Variants in SH3PXD2A observed in about 807,000 individuals in gnomAD.
The protein encoded by SH3PXD2A is SH3 and PX domains 2A.
SH3PXD2A carries 32 observed loss-of-function variants against 115.2 expected under a neutral mutation model. The ratio of observed to expected loss-of-function variants is 0.28; its 90% CI spans 0.21 to 0.37. SH3PXD2A has a LOEUF of 0.37. Among genes scored for constraint, SH3PXD2A ranks in the 10% least tolerant of loss-of-function variants. The probability of loss-of-function intolerance (pLI) is 1.00; values close to 1 mark genes in which losing one functional copy is unlikely to be tolerated. For missense variants in SH3PXD2A, 1,328 were observed against 1,498.7 expected (o/e 0.89, Z 1.88); for synonymous variants, 610 against 629.1 (o/e 0.97, Z 0.45).
At position 103,613,153 on chromosome 10, in the gene SH3PXD2A, GGTA is replaced by G. The variant is rs776173373; in HGVS notation, c.955_957del (p.Tyr319del). 1 of 1,610,262 alleles carries G rather than the reference GGTA, an allele frequency of 6.2e-7. No homozygotes were observed. Among genetic ancestry groups the G allele is most frequent in the Non-Finnish European group, 8.5e-7 (1 of 1,178,718 alleles). ...GGCAGGTCATCCTTGGCCTTCTTCA[GGTA>G]GGATGCTGGCGCCCAGCCCTCTTTG... On this transcript the variant is annotated inframe_deletion, in exon 12 of 15. Coordinates refer to ENST00000369774, the MANE Select transcript of SH3PXD2A (RefSeq NM_001394015.1).
chr10:103,724,410 C>T (rs1437545454), intron 4 of SH3PXD2A, 49 bp from the exon 5 acceptor site: 3 of 1,137,454 alleles, frequency 2.6e-6, no homozygotes, highest in African/African-American at 1.6e-5. Context: ...AACTTGGGAA[C>T]AGGAAAACCA....
chr10:103,826,388 C>T (rs1414324502), intron 1 of SH3PXD2A, among the ~76,000 whole-genome samples: 2 of 152,158 alleles, frequency 1.3e-5, no homozygotes, highest in African/African-American at 4.8e-5. Context: ...GTCTGTTGGA[C>T]TCCAAAACTG....
chr10:103,789,184 G>A (rs908432401), intron 2 of SH3PXD2A, among the ~76,000 whole-genome samples: 1 of 152,092 alleles, frequency 6.6e-6, no homozygotes, highest in Non-Finnish European at 1.5e-5. Flanking sequence ...GGATGGGGGG[G>A]GTAGAAGGAC....
intron 14 of SH3PXD2A, among the ~76,000 whole-genome samples, chr10:103,604,217 G>A (rs1166334907): frequency 6.6e-6 from 1 of 152,216 alleles, no homozygotes; most frequent in African/African-American, 2.4e-5. Flanking sequence ...TTCCTTGAAA[G>A]GGTCTCTAGG....
intron 3 of SH3PXD2A, 99 bp from the exon 4 acceptor site, chr10:103,735,907 C>G (rs897686156): frequency 4.5e-6 from 4 of 884,012 alleles, no homozygotes; most frequent in Non-Finnish European, 7.7e-6. Context: ...CTTAGTCCAG[C>G]ACTACCTGCC....
chr10:103,763,309 C>T (rs190379562), intron 3 of SH3PXD2A, among the ~76,000 whole-genome samples: 2 of 152,334 alleles, frequency 1.3e-5, no homozygotes, highest in Admixed American at 1.3e-4. Context: ...GCACATCCCG[C>T]AGACTCCACA....
At chr10:103,702,175 T>C (rs376391600) in intron 5 of SH3PXD2A, among the ~76,000 whole-genome samples, 8 of 152,136 alleles carry the variant, frequency 5.3e-5, no homozygotes, top group African/African-American at 1.9e-4. Flanking sequence ...CCACCATCCA[T>C]CCATCCATCA....
chr10:103,720,000 G>A (rs909766847), intron 5 of SH3PXD2A, among the ~76,000 whole-genome samples: 4 of 152,174 alleles, frequency 2.6e-5, no homozygotes, highest in Non-Finnish European at 4.4e-5. Context: ...GATTACAGGC[G>A]TGAGCCACCG....
intron 2 of SH3PXD2A, among the ~76,000 whole-genome samples, chr10:103,771,859 A>G (rs1225934583): frequency 6.6e-6 from 1 of 152,008 alleles, no homozygotes; most frequent in African/African-American, 2.4e-5. Flanking sequence ...AGCTCTTGGC[A>G]AGTTCTGATT....
intron 5 of SH3PXD2A, among the ~76,000 whole-genome samples, chr10:103,721,131 A>T (rs1489971950): frequency 1.3e-5 from 2 of 152,246 alleles, no homozygotes; most frequent in African/African-American, 4.8e-5. Context: ...AAAGTCAGGT[A>T]GGGACGGAAC....
intron 3 of SH3PXD2A, among the ~76,000 whole-genome samples, chr10:103,758,291 T>A (rs1366373801): frequency 6.6e-6 from 1 of 152,072 alleles, no homozygotes; most frequent in African/African-American, 2.4e-5. Context: ...GTTCTTGCTG[T>A]CCCCCCAAGC....
At chr10:103,710,719 G>A (rs1020271495) in intron 5 of SH3PXD2A, among the ~76,000 whole-genome samples, 1 of 152,140 alleles carries the variant, frequency 6.6e-6, no homozygotes, top group African/African-American at 2.4e-5. Flanking sequence ...TCCCAGTATT[G>A]GGGTGAGAGG....
At chr10:103,624,264 T>G (rs2036656328) in intron 9 of SH3PXD2A, among the ~76,000 whole-genome samples, 1 of 152,226 alleles carries the variant, frequency 6.6e-6, no homozygotes, top group African/African-American at 2.4e-5. Context: ...GTACACGCCT[T>G]TGGTACAGCA....
chr10:103,818,267 C>T (rs1302493541), intron 1 of SH3PXD2A, among the ~76,000 whole-genome samples: 1 of 152,192 alleles, frequency 6.6e-6, no homozygotes, highest in East Asian at 1.9e-4. Flanking sequence ...CCCTCTGCCC[C>T]CTCCTCCGGT....
chr10:103,738,714 C>T (rs1174368562), intron 3 of SH3PXD2A, among the ~76,000 whole-genome samples: 2 of 152,124 alleles, frequency 1.3e-5, no homozygotes, highest in Admixed American at 6.5e-5. Context: ...TGGGGTCCCT[C>T]TCCCAGCCCC....
rs150614997 is a variant in SH3PXD2A at position 103,835,946 on chromosome 10, C to G, written c.72+19249G>C. Among the ~76,000 whole-genome samples the G allele has an allele frequency of 9.1e-3, 1,386 of 152,294 alleles. 19 individuals carry two copies. The highest frequency in any genetic ancestry group is 0.031 in the African/African-American group (1,281 of 41,554). ...CTTGGCTGAATCTCACCAAGCTCCC[C>G]CTTCACTGGACGAGGAACCAGCAAA... On this transcript the variant is annotated intron_variant, in intron 1 of 14. Transcript: ENST00000369774.
At chr10:103,629,475 C>T (rs999916050) in intron 8 of SH3PXD2A, among the ~76,000 whole-genome samples, 17 of 152,208 alleles carry the variant, frequency 1.1e-4, no homozygotes, top group African/African-American at 3.9e-4. Context: ...CAGGAAGGGT[C>T]CAGACCATGC....
In SH3PXD2A at chr10:103,627,256, G is replaced by T. The variant is rs922712676; in HGVS notation, c.605-54C>A. 1.9e-6 allele frequency: 2 copies of T among 1,076,224 alleles called. No individual in the cohort carries two copies. Among genetic ancestry groups the T allele is most frequent in the Non-Finnish European group, 2.9e-6 (2 of 697,696 alleles). The allele number at this position is 1,076,224 out of a possible 1,614,324, so 66.7% of individuals were successfully genotyped here. On this transcript the variant is annotated intron_variant, in intron 8 of 14. Coordinates refer to ENST00000369774, the MANE Select transcript of SH3PXD2A (RefSeq NM_001394015.1). The surrounding 1 kb of genome is among the most constrained non-coding windows in gnomAD (Gnocchi z 4.4). ...TGTGAGATTCTGCAGGGTGGCAGGGGTGGCTCGGGGGCCAGGACAAGGATG... is the reference window on the plus strand; with the variant it reads ...TGTGAGATTCTGCAGGGTGGCAGGGTTGGCTCGGGGGCCAGGACAAGGATG...
rs1237337838 is a variant in SH3PXD2A, at chr10:103,744,629, C to G, written c.230-8821G>C. Among the ~76,000 whole-genome samples, 3 of 152,194 alleles carry G rather than the reference C, an allele frequency of 2.0e-5. No individual in the cohort carries two copies. The East Asian group carries it at 5.8e-4, about 29-fold the overall frequency. On this transcript the variant is annotated intron_variant, in intron 3 of 14. Coordinates refer to ENST00000369774, the MANE Select transcript of SH3PXD2A (RefSeq NM_001394015.1). ...CCTGGCTCAGATCACACCCTGACAC[C>G]CAATCCTTCCTTCTTCACTTGCAAC...
Sources: allele counts gnomAD v4.1 joint callset (sites outside exome capture counted in the v4.1 genomes callset), GRCh38; gene constraint gnomAD v4.1.1; non-coding constraint Gnocchi (gnomAD v3.1); transcripts MANE v1.5; gene names NCBI Gene and HGNC (gene_info 2026-07-23, HGNC 2026-07-21).